The following TSC2 variants were observed in gnomAD, a reference collection of about 807,000 sequenced individuals.
The protein encoded by TSC2 is tuberin.
In TSC2, 29 loss-of-function variants were observed where a neutral mutation model predicts 202.2. That is an observed-to-expected ratio of 0.14 (90% CI 0.11 to 0.20). TSC2 has a LOEUF of 0.20. TSC2 is among the 10% of genes least tolerant of loss of function. The probability of loss-of-function intolerance (pLI) is 1.00; values close to 1 mark genes in which losing one functional copy is unlikely to be tolerated. For synonymous variants in TSC2, 1,349 were observed against 1,044.0 expected (o/e 1.29, Z -5.63); for missense variants, 2,429 against 2,420.0 (o/e 1.00, Z -0.08).
chr16:2,073,071 C>T (rs567498172), intron 21 of TSC2, 88 bp downstream of exon 21: 16 of 1,587,948 alleles, frequency 1.0e-5, no homozygotes, highest in Admixed American at 3.5e-5. Flanking sequence ...TTCTCATAAA[C>T]GAGTTTCTGC....
Position 2,086,400 on chromosome 16 carries a change from G to A in TSC2, c.4849+21G>A, listed in dbSNP as rs377529424. On this transcript the variant is annotated intron_variant, in intron 37 of 41. Transcript: ENST00000219476. Reference sequence around the variant, plus strand: ...GCAAGGTACGGCCTGGCGCCTACCCGCTCCTGCTGCCCCAGGCCTCAGGGC... The same window carrying A: ...GCAAGGTACGGCCTGGCGCCTACCCACTCCTGCTGCCCCAGGCCTCAGGGC... 4.4e-6 allele frequency: 7 copies of A among 1,608,342 alleles called. No individual in the cohort carries two copies. In the African/African-American group the frequency reaches 5.4e-5, roughly 12 times the overall value.
At chr16:2,051,319 C>CA (rs1200941889) in intron 3 of TSC2, among the ~76,000 whole-genome samples, 1,400 of 120,928 alleles carry the variant, frequency 0.012, 20 homozygotes, top group African/African-American at 0.031. Flanking sequence ...GACTCTGTCT[C>CA]AAAAAAAAAA....
At chr16:2,070,333 T>C (rs1415493976) in intron 16 of TSC2, 123 bp from the exon 17 acceptor site, 2 of 1,538,016 alleles carry the variant, frequency 1.3e-6, no homozygotes, top group African/African-American at 1.4e-5. Flanking sequence ...GGTTTGAAGG[T>C]CGTGTGTTTT....
chr16:2,084,797 C>T, intron 34 of TSC2, 82 bp downstream of exon 34: 3 of 1,598,646 alleles, frequency 1.9e-6, no homozygotes, highest in South Asian at 1.1e-5. Context: ...GCCGAGCGGG[C>T]TGGGGTGGGG....
chr16:2,063,594 G>A (rs1234603478), intron 14 of TSC2: 2 of 234,572 alleles, frequency 8.5e-6, no homozygotes, highest in South Asian at 5.8e-5. Flanking sequence ...CCTTCCCACC[G>A]AACTCCTCCC....
At chr16:2,073,527 CTG>C (rs1244245551) in intron 21 of TSC2, among the ~76,000 whole-genome samples, 1 of 152,280 alleles carries the variant, frequency 6.6e-6, no homozygotes, top group Non-Finnish European at 1.5e-5. Context: ...GATGCTGACT[CTG>C]AGGCTTGGCC....
At position 2,083,738 on chromosome 16, in the gene TSC2, T is replaced by A. The variant is rs1488161104; in HGVS notation, c.3927T>A (p.Pro1309=). 6.2e-7 allele frequency: 1 copy of A among 1,605,142 alleles called. No individual in the cohort carries two copies. The highest frequency in any genetic ancestry group is 8.5e-7 in the Non-Finnish European group (1 of 1,177,044). ...VMEEGSPGEV[P]VLVEPPGLED... ...AGGAGGGAAGTCCGGGCGAGGTTCC[T>A]GTGCTGGTGGAGCCCCCAGGGTTGG... The change falls in exon 33 of 42, where the codon CCT becomes CCA. Residue 1309 remains proline (P), a synonymous_variant. Transcript: ENST00000219476.
At position 2,085,262 on chromosome 16, in the gene TSC2, C is replaced by T. The variant is rs368534883; in HGVS notation, c.4602C>T (p.Leu1534=). 29 of 1,612,630 alleles carry T rather than the reference C, an allele frequency of 1.8e-5. No individual in the cohort carries two copies. Among genetic ancestry groups the T allele is most frequent in the Admixed American group, 5.0e-5 (3 of 60,010 alleles). Reference sequence around the variant, plus strand: ...CCTTTGAGCGGTCGGTGCAGCTCCTCGACCAGATCCCATCATACGACACCC... The same window carrying T: ...CCTTTGAGCGGTCGGTGCAGCTCCTTGACCAGATCCCATCATACGACACCC... ...SQSFERSVQL[L]DQIPSYDTHK... is the part of the protein sequence containing the mutation. Residue 1534 remains leucine, a synonymous_variant, in exon 36 of 42, where the codon CTC becomes CTT. Coordinates refer to ENST00000219476, the MANE Select transcript of TSC2 (RefSeq NM_000548.5).
intron 15 of TSC2, chr16:2,065,216 A>G (rs2087161263): frequency 5.6e-6 from 2 of 358,858 alleles, no homozygotes; most frequent in East Asian, 1.3e-4. Context: ...GATCAAGACC[A>G]TCCTGGCTAA....
At chr16:2,084,875 C>CTG (rs1432255151) in intron 34 of TSC2, 76 bp from the exon 35 acceptor site, 2 of 1,605,280 alleles carry the variant, frequency 1.2e-6, no homozygotes, top group African/African-American at 2.7e-5. Context: ...TGGCCAGGCT[C>CTG]TGTGTTCCTC....
At chr16:2,078,756 TC>T in intron 26 of TSC2, 1 of 520,850 alleles carries the variant, frequency 1.9e-6, no homozygotes. Flanking sequence ...AACCTAGTGC[TC>T]CCGTGGGCTT....
At chr16:2,052,734 G>A (rs2085286594) in intron 3 of TSC2, among the ~76,000 whole-genome samples, 1 of 152,198 alleles carries the variant, frequency 6.6e-6, no homozygotes, top group Non-Finnish European at 1.5e-5. Flanking sequence ...CCAAACCCCT[G>A]CCGAGTGAGA....
intron 9 of TSC2, among the ~76,000 whole-genome samples, chr16:2,057,793 GCCCTGCCTCGGC>G: frequency 6.8e-6 from 1 of 146,350 alleles, no homozygotes; most frequent in African/African-American, 2.5e-5. Context: ...ATCTCTCCCA[GCCCTGCCTCGGC>G]CCCTGCATCT....
rs45517123 is a variant in TSC2 at position 2,056,715 on chromosome 16, C to T, written c.720C>T (p.Ile240=). The change falls in exon 8 of 42, where the codon ATC becomes ATT. Residue 240 remains isoleucine, a synonymous_variant. Coordinates refer to ENST00000219476, the MANE Select transcript of TSC2 (RefSeq NM_000548.5). ...CLPAESLPLF[I]VTLCRTINVK... ...CGGCTGAGAGCCTCCCGCTGTTCAT[C>T]GTTACCCTCTGTCGCACCATCAACG... is the stretch of plus-strand genomic sequence containing the variant. The T allele has an allele frequency of 2.2e-5, 36 of 1,612,394 alleles. No homozygotes were observed. Among genetic ancestry groups the T allele is most frequent in the East Asian group, 4.5e-5 (2 of 44,896 alleles).
intron 16 of TSC2, chr16:2,066,588 G>A (rs1281785275): frequency 6.7e-6 from 1 of 148,488 alleles, no homozygotes; most frequent in African/African-American, 2.5e-5. Context: ...ATACCAGGCT[G>A]TTTTCCACTG....
Position 2,080,243 on chromosome 16 carries a change from G to A in TSC2, c.3476G>A (p.Arg1159Gln), listed in dbSNP as rs45473098. Residue 1159 changes from arginine to glutamine, a missense_variant, in exon 30 of 42, where the codon CGG (arginine) becomes CAG (glutamine). By Grantham distance (43) the Arg-to-Gln change is conservative. Transcript: ENST00000219476. ...GGCAGTGCCACTTCTCCAGGACCAC[G>A]GACTGCACCAGCCGCGAAACCTGAG... is the stretch of plus-strand genomic sequence containing the variant. ...FLGSATSPGP[R>Q]TAPAAKPEKA... The A allele has an allele frequency of 9.3e-6, 15 of 1,612,842 alleles. No homozygotes were observed. In the Admixed American group the frequency reaches 1.3e-4, roughly 14 times the overall value.
chr16:2,072,301 A>G lies in TSC2; in HGVS notation c.2158A>G (p.Lys720Glu), dbSNP rs1195091149. 6.2e-7 allele frequency: 1 copy of G among 1,614,094 alleles called. No homozygotes were observed. The highest frequency in any genetic ancestry group is 1.3e-5 in the African/African-American group (1 of 75,052). The change falls in exon 20 of 42, where the codon AAA becomes GAA. Residue 720 changes from lysine (K) to glutamate (E), a missense_variant. By Grantham distance (56) the Lys-to-Glu change is moderately conservative. Coordinates refer to ENST00000219476, the MANE Select transcript of TSC2 (RefSeq NM_000548.5). ...LGRLPESLRY[K>E]VLIFTSPCSV... ...CAGGCTGCCTGAGTCCCTGCGCTAT[A>G]AAGTGCTCATCTTTACTTCCCCTTG...
chr16:2,070,450 C>T lies in TSC2; in HGVS notation c.1717-6C>T, dbSNP rs1596335934. 3 of 1,613,276 alleles carry T rather than the reference C, an allele frequency of 1.9e-6. No homozygotes were observed. Among genetic ancestry groups the T allele is most frequent in the Middle Eastern group, 1.6e-4 (1 of 6,084 alleles). ...CGCCGTGGTGAGCTGCGTCCTCTCT[C>T]TGCAGACCAAGCTGTACACCCTGCC... On this transcript the variant is annotated splice_polypyrimidine_tract_variant and splice_region_variant and intron_variant, in intron 16 of 41. Transcript: ENST00000219476.
intron 36 of TSC2, 55 bp from the exon 37 acceptor site, chr16:2,086,133 TCTGCG>T: frequency 6.2e-7 from 1 of 1,601,156 alleles, no homozygotes; most frequent in Non-Finnish European, 8.5e-7. Flanking sequence ...ACCCCCACCC[TCTGCG>T]GGGCAGGGCC....
Sources: allele counts gnomAD v4.1 joint callset (sites outside exome capture counted in the v4.1 genomes callset), GRCh38; gene constraint gnomAD v4.1.1; transcripts MANE v1.5; gene names NCBI Gene and HGNC (gene_info 2026-07-23, HGNC 2026-07-21).